The following SDK2 variants were observed in gnomAD, a reference collection of about 807,000 sequenced individuals.
SDK2 encodes protein sidekick-2.
In SDK2, 105 loss-of-function variants were observed where a neutral mutation model predicts 253.9. The ratio of observed to expected loss-of-function variants is 0.41; its 90% CI spans 0.35 to 0.49. SDK2 has a LOEUF of 0.49. Ranked by LOEUF, SDK2 falls within the 20% of genes least tolerant of loss-of-function variation. The pLI, the probability that SDK2 is intolerant of heterozygous loss-of-function variation, is 0.06. For synonymous variants in SDK2, 1,249 were observed against 1,234.9 expected, an observed-to-expected ratio of 1.01 and a Z score of -0.24; for missense variants, 2,608 against 3,003.0, an observed-to-expected ratio of 0.87 and a Z score of 3.07.
At chr17:73,434,231 C>T (rs989309676) in intron 9 of SDK2, among the ~76,000 whole-genome samples, 2 of 152,218 alleles carry the variant, frequency 1.3e-5, no homozygotes, top group Admixed American at 1.3e-4. Flanking sequence ...AAAAGAAAAA[C>T]AGCCACAGCC....
chr17:73,430,161 G>T (rs1478064521), intron 12 of SDK2, among the ~76,000 whole-genome samples: 1 of 152,202 alleles, frequency 6.6e-6, no homozygotes, highest in African/African-American at 2.4e-5. Flanking sequence ...GTGGCGTCCA[G>T]GGCCAGAGAC....
At chr17:73,550,136 G>A (rs957627422) in intron 1 of SDK2, among the ~76,000 whole-genome samples, 3 of 152,136 alleles carry the variant, frequency 2.0e-5, no homozygotes, top group African/African-American at 7.2e-5. Flanking sequence ...TAGTGCTCCT[G>A]ACTGTTTCCA....
chr17:73,524,988 T>C (rs1437342850), intron 1 of SDK2, among the ~76,000 whole-genome samples: 6 of 152,226 alleles, frequency 3.9e-5, no homozygotes, highest in Non-Finnish European at 8.8e-5. Flanking sequence ...ATGCATCCCA[T>C]GGGTGAGGCC....
At chr17:73,388,525 C>T (rs1209957387) in intron 29 of SDK2, among the ~76,000 whole-genome samples, 1 of 152,178 alleles carries the variant, frequency 6.6e-6, no homozygotes, top group Non-Finnish European at 1.5e-5. Context: ...GAATTCAGAA[C>T]AGATGACTCT....
chr17:73,482,814 G>A (rs972381500), intron 2 of SDK2, among the ~76,000 whole-genome samples: 4 of 152,374 alleles, frequency 2.6e-5, no homozygotes, highest in Non-Finnish European at 2.9e-5. Flanking sequence ...TCCTGGGTGA[G>A]CGGGACTCCC....
chr17:73,401,534 G>A, intron 20 of SDK2, 120 bp downstream of exon 20: 1 of 960,658 alleles, frequency 1.0e-6, no homozygotes, highest in Non-Finnish European at 1.6e-6. Context: ...TGGTTTCTAA[G>A]AAAGCATGGG....
At chr17:73,353,422 C>CT (rs924241088) in intron 40 of SDK2, among the ~76,000 whole-genome samples, 93 of 152,232 alleles carry the variant, frequency 6.1e-4, no homozygotes, top group African/African-American at 2.2e-3. Flanking sequence ...CGCTATTTTT[C>CT]TTTTTTCTTT....
chr17:73,390,527 G>A (rs765565675), intron 28 of SDK2, 46 bp from the exon 29 acceptor site: 27 of 1,547,906 alleles, frequency 1.7e-5, no homozygotes, highest in Admixed American at 1.5e-4. Context: ...AAGGCAAGCC[G>A]CTCCTAGGGC....
intron 4 of SDK2, among the ~76,000 whole-genome samples, chr17:73,449,813 C>T (rs2063479045): frequency 1.3e-5 from 2 of 151,984 alleles, no homozygotes; most frequent in South Asian, 2.1e-4. Flanking sequence ...ATCCCAGCTA[C>T]TCGGGAGGCT....
chr17:73,365,434 G>C (rs938862924), intron 37 of SDK2, 39 bp from the exon 38 acceptor site: 1 of 1,557,272 alleles, frequency 6.4e-7, no homozygotes, highest in Non-Finnish European at 8.7e-7. Context: ...TCCTTCTTCT[G>C]TGGAAGTTCA....
chr17:73,411,201 C>T (rs2063123271), intron 18 of SDK2, among the ~76,000 whole-genome samples: 1 of 152,224 alleles, frequency 6.6e-6, no homozygotes, highest in African/African-American at 2.4e-5. Context: ...AGGGCCAAGG[C>T]CGGAGTGAAG....
chr17:73,567,014 G>A (rs1313024325), intron 1 of SDK2, among the ~76,000 whole-genome samples: 2 of 152,074 alleles, frequency 1.3e-5, no homozygotes, highest in Non-Finnish European at 2.9e-5. Flanking sequence ...ATGACTAAAC[G>A]GGAGTCAAGC....
chr17:73,466,612 C>T (rs1226299698), intron 3 of SDK2, among the ~76,000 whole-genome samples: 4 of 151,606 alleles, frequency 2.6e-5, no homozygotes, highest in Admixed American at 2.0e-4. Context: ...GTTCCTCAAA[C>T]GATTTGCCTT....
chr17:73,485,151 C>T (rs779084659), intron 2 of SDK2, among the ~76,000 whole-genome samples: 13 of 152,092 alleles, frequency 8.5e-5, no homozygotes, highest in East Asian at 1.9e-4. Flanking sequence ...AGGCTTGAGC[C>T]GTGGGGTGAC....
chr17:73,384,878 T>C (rs1172661515), intron 32 of SDK2, among the ~76,000 whole-genome samples: 1 of 152,182 alleles, frequency 6.6e-6, no homozygotes, highest in African/African-American at 2.4e-5. Context: ...CAGGCTTTGT[T>C]AGCTCCTTAA....
intron 39 of SDK2, among the ~76,000 whole-genome samples, 187 bp from the exon 40 acceptor site, chr17:73,358,391 C>A (rs893763694): frequency 4.6e-5 from 7 of 152,140 alleles, no homozygotes; most frequent in Non-Finnish European, 1.0e-4. Flanking sequence ...GGACTGTTGT[C>A]CCCCTGGGCT....
intron 1 of SDK2, among the ~76,000 whole-genome samples, chr17:73,605,907 A>G (rs2045901743): frequency 6.6e-6 from 1 of 151,976 alleles, no homozygotes; most frequent in African/African-American, 2.4e-5. Context: ...GGGAAAGCTG[A>G]CACCCCATTT....
chr17:73,379,563 T>A lies in SDK2; in HGVS notation c.4763-14A>T. The A allele has an allele frequency of 1.3e-6, 2 of 1,520,914 alleles. No individual in the cohort carries two copies. The highest frequency in any genetic ancestry group is 1.8e-6 in the Non-Finnish European group (2 of 1,111,100). The allele number at this position is 1,520,914 out of a possible 1,614,324, so 94.2% of individuals were successfully genotyped here. On this transcript the variant is annotated splice_polypyrimidine_tract_variant and intron_variant, in intron 34 of 44. Coordinates refer to ENST00000392650, the MANE Select transcript of SDK2 (RefSeq NM_001144952.2). This position sits in a 1 kb window ranked among gnomAD's most constrained non-coding sequence, Gnocchi z 4.5. The stretch of plus-strand genomic sequence containing the variant: ...GCTTGTTCAGGTCTGTGGGGGAGAG[T>A]GGGGGAGGGGAAGCACACTGAGGTC...
Position 73,355,181 on chromosome 17 carries a change from T to A in SDK2, c.5594-2544A>T, listed in dbSNP as rs1229854879. Reference sequence around the variant, plus strand: ...CTCCATATATATATATATATTTTTTTTTTTTTTTTTTTTTAGACGGAGTCT... The same window carrying A: ...CTCCATATATATATATATATTTTTTATTTTTTTTTTTTTTAGACGGAGTCT... On this transcript the variant is annotated intron_variant, in intron 40 of 44. Transcript: ENST00000392650. 5.5e-3 allele frequency among the ~76,000 whole-genome samples: 288 copies of A among 52,366 alleles called. 8 individuals carry two copies. The highest frequency in any genetic ancestry group is 9.8e-3 in the Admixed American group (35 of 3,560). The allele number at this position is 52,366 out of a possible 152,430, so 34.4% of individuals were successfully genotyped here.
Sources: allele counts gnomAD v4.1 joint callset (sites outside exome capture counted in the v4.1 genomes callset), GRCh38; gene constraint gnomAD v4.1.1; non-coding constraint Gnocchi (gnomAD v3.1); transcripts MANE v1.5; gene names NCBI Gene and HGNC (gene_info 2026-07-23, HGNC 2026-07-21).